The following PITPNC1 variants were observed in gnomAD, a reference collection of about 807,000 sequenced individuals.
PITPNC1 encodes phosphatidylinositol transfer protein cytoplasmic 1.
PITPNC1 carries 18 observed loss-of-function variants against 44.7 expected under a neutral mutation model. That is an observed-to-expected ratio of 0.40 (90% CI 0.28 to 0.60). The LOEUF is 0.60. Among genes scored for constraint, PITPNC1 ranks in the 20% least tolerant of loss-of-function variants. The pLI is 0.39. For missense variants in PITPNC1, 290 were observed against 418.4 expected (o/e 0.69, Z 2.68); for synonymous variants, 141 against 149.6 (o/e 0.94, Z 0.42).
intron 1 of PITPNC1, among the ~76,000 whole-genome samples, chr17:67,432,975 TATACAA>T: frequency 6.6e-6 from 1 of 152,210 alleles, no homozygotes; most frequent in Admixed American, 6.5e-5. Flanking sequence ...AGCATGGAAA[TATACAA>T]ATATAATATA....
rs191200041 is a variant in PITPNC1, at chr17:67,471,446, C to A, written c.49-61356C>A. 7.3e-3 allele frequency: 2,643 copies of A among 362,248 alleles called. 80 individuals are homozygous for A. The East Asian group carries it at 0.11, about 15-fold the overall frequency. 22.4% of individuals were successfully genotyped at this position (362,248 alleles called of 1,614,324 possible). On this transcript the variant is annotated intron_variant, in intron 1 of 8. Transcript: ENST00000581322. ...TTCACATACAAGTCCTTGTGTGGAC[C>A]TACGTCTTCATTTGAGAGATTTTTT... is the stretch of plus-strand genomic sequence containing the variant.
At chr17:67,459,422 T>TG (rs2039304994) in intron 1 of PITPNC1, among the ~76,000 whole-genome samples, 1 of 152,178 alleles carries the variant, frequency 6.6e-6, no homozygotes, top group South Asian at 2.1e-4. Flanking sequence ...CCAGCCTCTT[T>TG]GGGGTTTTAG....
intron 1 of PITPNC1, among the ~76,000 whole-genome samples, chr17:67,432,128 A>C (rs2038865096): frequency 6.6e-6 from 1 of 152,230 alleles, no homozygotes; most frequent in Admixed American, 6.5e-5. Flanking sequence ...ATGTTTTAGA[A>C]CATGGGTGTC....
Position 67,632,129 on chromosome 17 carries a change from C to T in PITPNC1, c.367-14C>T, listed in dbSNP as rs776562171. The T allele has an allele frequency of 6.4e-7, 1 of 1,561,396 alleles. No homozygotes were observed. The highest frequency in any genetic ancestry group is 2.2e-5 in the East Asian group (1 of 44,614). Reference sequence around the variant, plus strand: ...GCTATCACTAACCTTTGATATGTTGCTCTGCTTTTTCAGATTTTCGACAAT... The same window carrying T: ...GCTATCACTAACCTTTGATATGTTGTTCTGCTTTTTCAGATTTTCGACAAT... On this transcript the variant is annotated splice_polypyrimidine_tract_variant and intron_variant, in intron 5 of 8. Transcript: ENST00000581322.
intron 4 of PITPNC1, among the ~76,000 whole-genome samples, chr17:67,570,180 TAGGAAAGAAA>T (rs997274005): frequency 3.3e-5 from 5 of 152,180 alleles, no homozygotes; most frequent in Non-Finnish European, 7.4e-5. Context: ...CCTTTAGATC[TAGGAAAGAAA>T]AGAGTTCACG....
At chr17:67,607,043 G>A (rs142175350) in intron 5 of PITPNC1, among the ~76,000 whole-genome samples, 87 of 152,254 alleles carry the variant, frequency 5.7e-4, no homozygotes, top group Middle Eastern at 3.4e-3. Context: ...CCTCCAGCAC[G>A]GGGAAAGTAA....
Position 67,549,229 on chromosome 17 carries a change from G to A in PITPNC1, c.198-3028G>A, listed in dbSNP as rs187240109. ...AGCACTTTAGGAGGCCGAGGCGGGCGGATCACCTGAGGTCAGGAGTTCAAG... is the reference window on the plus strand; with the variant it reads ...AGCACTTTAGGAGGCCGAGGCGGGCAGATCACCTGAGGTCAGGAGTTCAAG... On this transcript the variant is annotated intron_variant, in intron 2 of 8. Transcript: ENST00000581322. Among the ~76,000 whole-genome samples, 378 of 152,216 alleles carry A rather than the reference G, an allele frequency of 2.5e-3. 1 individual carries two copies. The highest frequency in any genetic ancestry group is 8.5e-3 in the African/African-American group (354 of 41,534).
intron 1 of PITPNC1, among the ~76,000 whole-genome samples, chr17:67,384,570 C>T (rs921437398): frequency 8.5e-5 from 13 of 152,126 alleles, no homozygotes; most frequent in African/African-American, 2.9e-4. Context: ...GGATTACAGG[C>T]GCCCGCCACT....
intron 1 of PITPNC1, chr17:67,524,539 A>G (rs192826105): frequency 2.4e-4 from 37 of 152,238 alleles, no homozygotes; most frequent in African/African-American, 7.7e-4. Flanking sequence ...TATCATTTCA[A>G]TCAACATAAA....
chr17:67,470,966 G>A (rs1460610533), intron 1 of PITPNC1, among the ~76,000 whole-genome samples: 1 of 124,452 alleles, frequency 8.0e-6, no homozygotes, highest in African/African-American at 3.2e-5. Flanking sequence ...ATTAAGGGCG[G>A]TGCAAGATGT....
intron 5 of PITPNC1, among the ~76,000 whole-genome samples, chr17:67,622,188 C>T (rs1286209529): frequency 6.9e-6 from 1 of 144,150 alleles, no homozygotes; most frequent in East Asian, 2.1e-4. Flanking sequence ...ACCCGGGAGG[C>T]GGAGCTTGCA....
intron 4 of PITPNC1, among the ~76,000 whole-genome samples, chr17:67,559,741 G>A (rs2144186200): frequency 6.6e-6 from 1 of 152,254 alleles, no homozygotes; most frequent in South Asian, 2.1e-4. Flanking sequence ...ACAAACATTA[G>A]CTGTGCATGG....
chr17:67,463,126 A>C (rs1261757644), intron 1 of PITPNC1, among the ~76,000 whole-genome samples: 4 of 152,268 alleles, frequency 2.6e-5, no homozygotes, highest in African/African-American at 7.2e-5. Flanking sequence ...ATAATTATAT[A>C]CTGATGAGAT....
chr17:67,438,859 T>C (rs750000701), intron 1 of PITPNC1, among the ~76,000 whole-genome samples: 21 of 152,190 alleles, frequency 1.4e-4, no homozygotes, highest in Non-Finnish European at 7.3e-5. Context: ...CTCCAGGCCA[T>C]GCGCATTTAA....
In PITPNC1 at chr17:67,597,770, C is replaced by G. The variant is rs765400825; in HGVS notation, c.366+19513C>G. ...AGGGACAGGTACTCTCATTGCAAGGCAGTGGGGTAGGCTCTATGGAGAACA... is the reference window on the plus strand; with the variant it reads ...AGGGACAGGTACTCTCATTGCAAGGGAGTGGGGTAGGCTCTATGGAGAACA... On this transcript the variant is annotated intron_variant, in intron 5 of 8. Coordinates refer to ENST00000581322, the MANE Select transcript of PITPNC1 (RefSeq NM_012417.4). The surrounding 1 kb of genome is among the most constrained non-coding windows in gnomAD (Gnocchi z 4.0). 2.6e-5 allele frequency among the ~76,000 whole-genome samples: 4 copies of G among 152,100 alleles called. No homozygotes were observed. Among genetic ancestry groups the G allele is most frequent in the Non-Finnish European group, 5.9e-5 (4 of 68,024 alleles).
chr17:67,500,983 C>T (rs762642651), intron 1 of PITPNC1, among the ~76,000 whole-genome samples: 1 of 152,098 alleles, frequency 6.6e-6, no homozygotes, highest in Non-Finnish European at 1.5e-5. Flanking sequence ...AGCCACTGCA[C>T]CTGGCCAAAA....
At chr17:67,537,376 A>T (rs1157753644) in intron 2 of PITPNC1, among the ~76,000 whole-genome samples, 1 of 152,238 alleles carries the variant, frequency 6.6e-6, no homozygotes, top group Non-Finnish European at 1.5e-5. Context: ...TACAATCCAT[A>T]TAGAAAAATC....
At chr17:67,435,108 C>CAA (rs555005702) in intron 1 of PITPNC1, among the ~76,000 whole-genome samples, 1,945 of 76,474 alleles carry the variant, frequency 0.025, 32 homozygotes, top group South Asian at 0.089. Context: ...GACTCCATCT[C>CAA]AAAAAAAAAA....
chr17:67,674,729 G>A (rs948420515), intron 7 of PITPNC1, among the ~76,000 whole-genome samples: 2 of 152,108 alleles, frequency 1.3e-5, no homozygotes, highest in African/African-American at 2.4e-5. Flanking sequence ...GTGACTTGCT[G>A]TCGGCCAGGT....
Sources: gnomAD v4.1 joint callset for allele counts (sites outside exome capture counted in the v4.1 genomes callset) on GRCh38, gnomAD v4.1.1 for gene constraint, Gnocchi (gnomAD v3.1) non-coding constraint, MANE v1.5 for transcripts, NCBI Gene and HGNC (gene_info 2026-07-23, HGNC 2026-07-21) for gene names.